The following WWTR1 variants were observed in gnomAD, a reference collection of about 807,000 sequenced individuals.
The protein encoded by WWTR1 is WW domain containing transcription regulator 1.
In WWTR1, 13 loss-of-function variants were observed where a neutral mutation model predicts 40.1. The observed-to-expected ratio is 0.32, with a 90% CI of 0.21 to 0.52. The LOEUF (loss-of-function observed/expected upper bound fraction) is 0.52. Among genes scored for constraint, WWTR1 ranks in the 20% least tolerant of loss-of-function variants. WWTR1 has a pLI of 0.97. For synonymous variants in WWTR1, 230 were observed against 210.1 expected (o/e 1.09, Z -0.82); for missense variants, 436 against 523.1 (o/e 0.83, Z 1.63).
intron 2 of WWTR1, among the ~76,000 whole-genome samples, chr3:149,635,154 G>A (rs1711752340): frequency 6.6e-6 from 1 of 152,160 alleles, no homozygotes. Context: ...CAGGAGTGCT[G>A]GGGATACAGT....
At chr3:149,613,675 A>G (rs111393417) in intron 2 of WWTR1, among the ~76,000 whole-genome samples, 6,213 of 152,094 alleles carry the variant, frequency 0.041, 435 homozygotes, top group African/African-American at 0.14. Flanking sequence ...AGCCTCCCAA[A>G]TAGTTGAAAC....
rs185159433 is a variant in WWTR1, at chr3:149,649,626, C to T, written c.431+7250G>A. 3.0e-3 allele frequency among the ~76,000 whole-genome samples: 457 copies of T among 152,174 alleles called. 2 individuals carry two copies. Among genetic ancestry groups the T allele is most frequent in the African/African-American group, 0.01 (432 of 41,542 alleles). On this transcript the variant is annotated intron_variant, in intron 2 of 6. Transcript: ENST00000360632. ...AAGTAAAGAATAAGCTGAAAGAAAT[C>T]CATATGACCGCCGGGTGCAGTGGCT...
intron 4 of WWTR1, chr3:149,541,206 C>G: frequency 2.7e-6 from 1 of 374,646 alleles, no homozygotes; most frequent in Admixed American, 3.5e-5. Context: ...AGAAAAAAAG[C>G]ATGAGACCTG....
intron 2 of WWTR1, among the ~76,000 whole-genome samples, chr3:149,585,432 G>A (rs1024275223): frequency 1.6e-4 from 25 of 152,146 alleles, no homozygotes; most frequent in African/African-American, 5.8e-4. Context: ...ACTGCACCTG[G>A]CTGATATACT....
chr3:149,527,534 C>A (rs934829512), intron 5 of WWTR1, among the ~76,000 whole-genome samples: 4 of 152,148 alleles, frequency 2.6e-5, no homozygotes, highest in Non-Finnish European at 4.4e-5. Context: ...GAAGATTCTT[C>A]CAAGTATAAG....
chr3:149,611,250 C>T (rs1739727172), intron 2 of WWTR1, among the ~76,000 whole-genome samples: 1 of 152,190 alleles, frequency 6.6e-6, no homozygotes, highest in Admixed American at 6.5e-5. Flanking sequence ...ACCAAGAAAG[C>T]TGCGTAGCAA....
chr3:149,555,358 T>G (rs770349390), intron 3 of WWTR1, among the ~76,000 whole-genome samples: 25 of 152,162 alleles, frequency 1.6e-4, no homozygotes, highest in Non-Finnish European at 3.4e-4. Context: ...TAATAAAATA[T>G]GGCAAATTAT....
At chr3:149,708,158 C>T (rs567367789), upstream of WWTR1, among the ~76,000 whole-genome samples, 98 of 152,232 alleles carry the variant, frequency 6.4e-4, no homozygotes, top group Non-Finnish European at 1.2e-3. Flanking sequence ...TTCATGTCTT[C>T]CTCACTCAAC....
intron 2 of WWTR1, among the ~76,000 whole-genome samples, chr3:149,631,103 C>T (rs1711534869): frequency 6.6e-6 from 1 of 152,164 alleles, no homozygotes; most frequent in Non-Finnish European, 1.5e-5. Context: ...CAGGCAAGAG[C>T]TGTCCCCACT....
At chr3:149,665,134 G>T (rs1378755661) in intron 2 of WWTR1, among the ~76,000 whole-genome samples, 2 of 151,770 alleles carry the variant, frequency 1.3e-5, no homozygotes, top group Non-Finnish European at 2.9e-5. Flanking sequence ...ACAATATACA[G>T]TATGGTTTAG....
chr3:149,535,994 T>C (rs1735812787), intron 4 of WWTR1, among the ~76,000 whole-genome samples: 1 of 151,908 alleles, frequency 6.6e-6, no homozygotes, highest in East Asian at 1.9e-4. Flanking sequence ...GCCTAGGTGA[T>C]GAAGTGAGAC....
At chr3:149,679,800 G>A (rs1048354391) in intron 1 of WWTR1, among the ~76,000 whole-genome samples, 2 of 152,136 alleles carry the variant, frequency 1.3e-5, no homozygotes, top group Admixed American at 6.5e-5. Context: ...ATGAGGAAAT[G>A]GACAGACTTA....
intron 2 of WWTR1, among the ~76,000 whole-genome samples, chr3:149,600,062 A>T (rs578165626): frequency 3.3e-5 from 5 of 152,354 alleles, no homozygotes; most frequent in East Asian, 3.9e-4. Context: ...AAATCTAGAG[A>T]TGATTTAAAG....
At chr3:149,658,909 G>C (rs1288665253), upstream of WWTR1, among the ~76,000 whole-genome samples, 2 of 152,158 alleles carry the variant, frequency 1.3e-5, no homozygotes, top group Non-Finnish European at 2.9e-5. Context: ...CCTGGAGCCG[G>C]GATGGAACCC....
chr3:149,627,593 A>C (rs761439103), intron 2 of WWTR1, among the ~76,000 whole-genome samples: 1 of 152,166 alleles, frequency 6.6e-6, no homozygotes, highest in Admixed American at 6.5e-5. Flanking sequence ...GAGGCCCCCA[A>C]ATCAAGCTGG....
intron 2 of WWTR1, among the ~76,000 whole-genome samples, chr3:149,639,694 T>G (rs367558664): frequency 1.3e-4 from 20 of 152,026 alleles, no homozygotes; most frequent in African/African-American, 4.8e-4. Context: ...AGTTCACCTT[T>G]GAAAAAGTAC....
chr3:149,526,394 C>T (rs1396842400), intron 5 of WWTR1, among the ~76,000 whole-genome samples: 1 of 151,638 alleles, frequency 6.6e-6, no homozygotes, highest in African/African-American at 2.4e-5. Flanking sequence ...GAGTATGACA[C>T]CATTTATGTA....
intron 4 of WWTR1, among the ~76,000 whole-genome samples, chr3:149,537,695 A>G (rs370014817): frequency 8.5e-5 from 13 of 152,124 alleles, no homozygotes; most frequent in African/African-American, 3.1e-4. Context: ...GAACTGTGCC[A>G]TCTGCCCCAC....
intron 3 of WWTR1, among the ~76,000 whole-genome samples, chr3:149,563,525 T>G (rs991628995): frequency 5.3e-5 from 8 of 152,206 alleles, no homozygotes; most frequent in African/African-American, 1.9e-4. Flanking sequence ...CAGCATTCAC[T>G]TACCCAATGC....
Sources: allele counts gnomAD v4.1 joint callset (sites outside exome capture counted in the v4.1 genomes callset), GRCh38; gene constraint gnomAD v4.1.1; transcripts MANE v1.5; gene names NCBI Gene and HGNC (gene_info 2026-07-23, HGNC 2026-07-21).